Variants in NOL4L observed in about 807,000 individuals in gnomAD.
NOL4L encodes nucleolar protein 4 like, also known as nucleolar protein 4-like.
In NOL4L, 7 loss-of-function variants were observed where a neutral mutation model predicts 64.5. The ratio of observed to expected loss-of-function variants is 0.11; its 90% CI spans 0.06 to 0.20. The LOEUF is 0.20. Among genes scored for constraint, NOL4L ranks in the 10% least tolerant of loss-of-function variants. The pLI is 1.00. For missense variants in NOL4L, 680 were observed against 967.1 expected (o/e 0.70, Z 3.94); for synonymous variants, 413 against 401.0 (o/e 1.03, Z -0.36).
intron 1 of NOL4L, among the ~76,000 whole-genome samples, chr20:32,549,444 T>A (rs912775044): frequency 3.9e-5 from 6 of 152,026 alleles, no homozygotes; most frequent in Non-Finnish European, 8.8e-5. Flanking sequence ...ATGGCTCTAA[T>A]CAAAAAGACA....
intron 4 of NOL4L, among the ~76,000 whole-genome samples, chr20:32,479,220 AG>A (rs1220453790): frequency 7.2e-5 from 11 of 152,228 alleles, no homozygotes; most frequent in Admixed American, 2.0e-4. Flanking sequence ...AACTGTGCAG[AG>A]GGGGAAAATA....
At chr20:32,566,596 C>T (rs59086887) in intron 1 of NOL4L, among the ~76,000 whole-genome samples, 18,538 of 152,148 alleles carry the variant, frequency 0.12, 1,459 homozygotes, top group East Asian at 0.23. Context: ...ACTCCTGCCT[C>T]GGGGCCTTTG....
Position 32,453,406 on chromosome 20 carries a change from C to T in NOL4L, c.1395G>A (p.Glu465=). 6.2e-7 allele frequency: 1 copy of T among 1,614,094 alleles called. No individual in the cohort carries two copies. The highest frequency in any genetic ancestry group is 8.5e-7 in the Non-Finnish European group (1 of 1,180,024). ...QPKEKIQAII[E]SCSRQFPEFQ... is the part of the protein sequence containing the mutation. ...ACTCAGGGAACTGCCGGCTGCAGGACTCGATGATGGCCTGGATCTTCTCCT... is the reference window on the plus strand; with the variant it reads ...ACTCAGGGAACTGCCGGCTGCAGGATTCGATGATGGCCTGGATCTTCTCCT... Residue 465 remains glutamate (E), a synonymous_variant, in exon 8 of 11, where the codon GAG becomes GAA. Transcript: ENST00000621426. The surrounding 1 kb of genome is among the most constrained non-coding windows in gnomAD (Gnocchi z 5.6).
intron 1 of NOL4L, among the ~76,000 whole-genome samples, chr20:32,543,250 G>A (rs1375952948): frequency 2.0e-5 from 3 of 152,174 alleles, no homozygotes; most frequent in African/African-American, 7.2e-5. Flanking sequence ...TGAAGGATGC[G>A]TGGCACTTCT....
At chr20:32,486,309 T>C (rs1053821781) in intron 4 of NOL4L, among the ~76,000 whole-genome samples, 7 of 152,310 alleles carry the variant, frequency 4.6e-5, no homozygotes, top group Admixed American at 4.6e-4. Context: ...TCTTGACCAC[T>C]AATTCTCCCA....
intron 1 of NOL4L, among the ~76,000 whole-genome samples, chr20:32,551,370 G>C (rs1044661147): frequency 7.3e-6 from 1 of 137,312 alleles, no homozygotes; most frequent in African/African-American, 3.1e-5. Flanking sequence ...CGTGAGACTC[G>C]GTCTCAAAAT....
intron 5 of NOL4L, 42 bp downstream of exon 5, chr20:32,474,558 GC>G (rs748991914): frequency 4.4e-6 from 7 of 1,581,726 alleles, no homozygotes; most frequent in Non-Finnish European, 6.0e-6. Context: ...GGAGCAGGGG[GC>G]CGGGCACAGC....
At chr20:32,498,476 A>G (rs1405272210) in intron 4 of NOL4L, among the ~76,000 whole-genome samples, 1 of 151,614 alleles carries the variant, frequency 6.6e-6, no homozygotes, top group Admixed American at 6.6e-5. Flanking sequence ...GAAATGCCCT[A>G]TTTTCACAGG....
In NOL4L at chr20:32,453,542, C is replaced by A. The variant is rs758581372; in HGVS notation, c.1305+34G>T. On this transcript the variant is annotated intron_variant, in intron 7 of 10. Coordinates refer to ENST00000621426, the MANE Select transcript of NOL4L (RefSeq NM_001256798.2). The surrounding 1 kb of genome is among the most constrained non-coding windows in gnomAD (Gnocchi z 5.6). Reference sequence around the variant, plus strand: ...GAAGGGCTGGCCCTGGCCTTGCCCCCATCCCACCCCACCTGTTTCCGGCCG... The same window carrying A: ...GAAGGGCTGGCCCTGGCCTTGCCCCAATCCCACCCCACCTGTTTCCGGCCG... 4.8e-5 allele frequency: 78 copies of A among 1,613,486 alleles called. No homozygotes were observed. In the South Asian group the frequency reaches 8.3e-4, roughly 17 times the overall value.
chr20:32,474,554 G>A (rs1354995593), intron 5 of NOL4L, 47 bp downstream of exon 5: 1 of 1,576,202 alleles, frequency 6.3e-7, no homozygotes, highest in Admixed American at 1.7e-5. Context: ...ACTGGGAGCA[G>A]GGGGCCGGGC....
At chr20:32,487,585 C>T (rs568759654) in intron 4 of NOL4L, among the ~76,000 whole-genome samples, 24 of 150,596 alleles carry the variant, frequency 1.6e-4, no homozygotes, top group Non-Finnish European at 2.7e-4. Context: ...AGTGCTAGAG[C>T]AATGTGGGCC....
At chr20:32,509,876 T>G in intron 4 of NOL4L, 1 of 1,304,320 alleles carries the variant, frequency 7.7e-7, no homozygotes, top group African/African-American at 1.5e-5. Flanking sequence ...TCATTCTTCA[T>G]GGGCACAGAT....
At chr20:32,559,860 A>AGCCCAGGCCT (rs1978892933) in intron 1 of NOL4L, among the ~76,000 whole-genome samples, 1 of 152,230 alleles carries the variant, frequency 6.6e-6, no homozygotes, top group Admixed American at 6.5e-5. Context: ...GACCACGGCC[A>AGCCCAGGCCT]GCCCAGGCCT....
chr20:32,498,270 G>A (rs1221816953), intron 4 of NOL4L, among the ~76,000 whole-genome samples: 1 of 152,084 alleles, frequency 6.6e-6, no homozygotes, highest in African/African-American at 2.4e-5. Context: ...CAAAACAGAG[G>A]AAATGCTCAT....
rs953345529 is a variant in NOL4L at position 32,464,703 on chromosome 20, AAC to A, written c.842-8310_842-8309del. ...GTCGGGAGCAGCACTGTCCGACAGAAACAGAGTGGGAGCCGCATGAGGGATTT... is the reference window on the plus strand; with the variant it reads ...GTCGGGAGCAGCACTGTCCGACAGAAAGAGTGGGAGCCGCATGAGGGATTT... On this transcript the variant is annotated intron_variant, in intron 5 of 10. Coordinates refer to ENST00000621426, the MANE Select transcript of NOL4L (RefSeq NM_001256798.2). This position sits in a 1 kb window ranked among gnomAD's most constrained non-coding sequence, Gnocchi z 5.6. 18 of 259,044 alleles carry A rather than the reference AAC, an allele frequency of 6.9e-5. No individual in the cohort carries two copies. The highest frequency in any genetic ancestry group is 3.7e-4 in the African/African-American group (17 of 45,588). 16.0% of individuals were successfully genotyped at this position (259,044 alleles called of 1,614,324 possible). A position where few individuals can be genotyped will look rare whatever the true frequency, so the allele number is the denominator to read the frequency against.
chr20:32,537,588 A>G (rs1196610261), intron 1 of NOL4L, among the ~76,000 whole-genome samples: 4 of 152,208 alleles, frequency 2.6e-5, no homozygotes, highest in Non-Finnish European at 4.4e-5. Flanking sequence ...ACCCCAGGAT[A>G]CCAACTACTG....
intron 5 of NOL4L, among the ~76,000 whole-genome samples, chr20:32,472,281 G>T (rs2015079720): frequency 6.6e-6 from 1 of 152,256 alleles, no homozygotes; most frequent in South Asian, 2.1e-4. Context: ...AGTCCCAGGG[G>T]CAGGGCAGAG....
intron 9 of NOL4L, among the ~76,000 whole-genome samples, 198 bp from the exon 10 acceptor site, chr20:32,452,635 C>T (rs1270199425): frequency 6.6e-6 from 1 of 152,236 alleles, no homozygotes; most frequent in Non-Finnish European, 1.5e-5. Context: ...GCTCATCTCC[C>T]TGTCAGCGTA....
At chr20:32,452,141 C>G in intron 10 of NOL4L, 95 bp downstream of exon 10, 2 of 1,170,302 alleles carry the variant, frequency 1.7e-6, no homozygotes, top group Non-Finnish European at 2.3e-6. Flanking sequence ...TCACTGGCCT[C>G]TGCTTCCCTC....
Sources: gnomAD v4.1 joint callset for allele counts (sites outside exome capture counted in the v4.1 genomes callset) on GRCh38, gnomAD v4.1.1 for gene constraint, Gnocchi (gnomAD v3.1) non-coding constraint, MANE v1.5 for transcripts, NCBI Gene and HGNC (gene_info 2026-07-23, HGNC 2026-07-21) for gene names.